The following RAB3C variants were observed in gnomAD, a reference collection of about 807,000 sequenced individuals.
RAB3C encodes the protein RAB3C, member RAS oncogene family.
A neutral mutation model predicts 26.4 loss-of-function variants in RAB3C; 17 were observed. The observed-to-expected ratio is 0.64, with a 90% CI of 0.44 to 0.97. The LOEUF is 0.97. Among genes scored for constraint, RAB3C ranks in the 50% least tolerant of loss-of-function variants. The pLI is 0.00. For missense variants in RAB3C, 242 were observed against 281.9 expected (o/e 0.86, Z 1.01); for synonymous variants, 91 against 95.9 (o/e 0.95, Z 0.30).
chr5:58,663,065 A>G (rs1747936313), intron 2 of RAB3C, among the ~76,000 whole-genome samples: 1 of 150,370 alleles, frequency 6.7e-6, no homozygotes, highest in African/African-American at 2.5e-5. Context: ...TATAAATAGT[A>G]CTTCTGCATT....
Position 58,640,864 on chromosome 5 carries a change from G to A in RAB3C, c.252+22994G>A, listed in dbSNP as rs1297545945. ...AATATTGTAATTATACTAACTTTCC[G>A]ATCATCTGACAACAGAGGCTTCCAA... is the stretch of plus-strand genomic sequence containing the variant. On this transcript the variant is annotated intron_variant, in intron 2 of 4. Transcript: ENST00000282878. Among the ~76,000 whole-genome samples, 9 of 152,236 alleles carry A rather than the reference G, an allele frequency of 5.9e-5. No individual in the cohort carries two copies. In the South Asian group the frequency reaches 6.2e-4, roughly 11 times the overall value.
At chr5:58,773,781 A>T (rs1242052073) in intron 3 of RAB3C, among the ~76,000 whole-genome samples, 1 of 152,080 alleles carries the variant, frequency 6.6e-6, no homozygotes, top group Non-Finnish European at 1.5e-5. Flanking sequence ...ATCACTCCCT[A>T]GTCCCCCTAC....
At chr5:58,682,174 C>A (rs1748358019) in intron 2 of RAB3C, among the ~76,000 whole-genome samples, 1 of 152,018 alleles carries the variant, frequency 6.6e-6, no homozygotes, top group East Asian at 1.9e-4. Context: ...GTCAAGTGAG[C>A]TAGACAGAAA....
chr5:58,845,085 A>T (rs571451029), intron 4 of RAB3C, among the ~76,000 whole-genome samples: 11 of 152,318 alleles, frequency 7.2e-5, no homozygotes, highest in Admixed American at 7.2e-4. Flanking sequence ...ATGCAGTCAC[A>T]TGTGGAATGG....
intron 4 of RAB3C, among the ~76,000 whole-genome samples, chr5:58,834,554 A>C (rs1743692187): frequency 6.6e-6 from 1 of 152,192 alleles, no homozygotes; most frequent in African/African-American, 2.4e-5. Flanking sequence ...TTTAACTCTC[A>C]ATTGAAGTAT....
intron 1 of RAB3C, 60 bp downstream of exon 1, chr5:58,583,292 C>T: frequency 1.2e-6 from 2 of 1,610,216 alleles, no homozygotes; most frequent in Non-Finnish European, 1.7e-6. Flanking sequence ...TTTCCCCTTG[C>T]TCCGCGCACA....
chr5:58,730,884 T>C (rs909157968), intron 3 of RAB3C, among the ~76,000 whole-genome samples: 1 of 152,154 alleles, frequency 6.6e-6, no homozygotes, highest in Non-Finnish European at 1.5e-5. Context: ...CAGTTCCACA[T>C]GGCCAGGGAG....
intron 3 of RAB3C, among the ~76,000 whole-genome samples, chr5:58,726,813 G>A (rs1007073802): frequency 6.6e-6 from 1 of 151,976 alleles, no homozygotes; most frequent in African/African-American, 2.4e-5. Flanking sequence ...ACGGTGGGGG[G>A]TTATTCCTAC....
rs190488915 is a variant in RAB3C at position 58,713,819 on chromosome 5, T to A, written c.253-12183T>A. On this transcript the variant is annotated intron_variant, in intron 2 of 4. Coordinates refer to ENST00000282878, the MANE Select transcript of RAB3C (RefSeq NM_138453.4). ...ACACAGGCATAAACCAGGACATTCT[T>A]GGGCAAACTAGGACGTATGGTTACC... 3.9e-5 allele frequency among the ~76,000 whole-genome samples: 6 copies of A among 152,306 alleles called. No homozygotes were observed. The East Asian group carries it at 1.2e-3, about 29-fold the overall frequency.
intron 2 of RAB3C, among the ~76,000 whole-genome samples, chr5:58,687,540 A>G (rs1234180718): frequency 2.6e-5 from 4 of 152,116 alleles, no homozygotes; most frequent in Non-Finnish European, 5.9e-5. Context: ...GGGGGAGTGG[A>G]CATTTTTTTG....
At chr5:58,823,975 G>A (rs2112057076) in intron 3 of RAB3C, among the ~76,000 whole-genome samples, 1 of 149,972 alleles carries the variant, frequency 6.7e-6, no homozygotes, top group African/African-American at 2.5e-5. Context: ...AACATGCGGT[G>A]TTTGGTTTTT....
At chr5:58,728,167 A>G (rs749185179) in intron 3 of RAB3C, among the ~76,000 whole-genome samples, 1 of 152,006 alleles carries the variant, frequency 6.6e-6, no homozygotes, top group African/African-American at 2.4e-5. Flanking sequence ...CACTTGATTT[A>G]TTAGGGTTTT....
At chr5:58,672,273 C>T (rs13178852) in intron 2 of RAB3C, among the ~76,000 whole-genome samples, 16,827 of 152,200 alleles carry the variant, frequency 0.11, 1,018 homozygotes, top group Middle Eastern at 0.21. Context: ...AGGTGATCCC[C>T]TGGGGTTAGA....
At chr5:58,696,091 C>T (rs1478704550) in intron 2 of RAB3C, among the ~76,000 whole-genome samples, 3 of 152,098 alleles carry the variant, frequency 2.0e-5, no homozygotes, top group African/African-American at 4.8e-5. Context: ...TTTTGAGATA[C>T]GTTCCATCAA....
intron 3 of RAB3C, among the ~76,000 whole-genome samples, chr5:58,783,714 C>T (rs1488925931): frequency 6.6e-6 from 1 of 152,178 alleles, no homozygotes; most frequent in African/African-American, 2.4e-5. Flanking sequence ...GGCACATGGC[C>T]AGTCGTGACC....
In RAB3C at chr5:58,593,756, A is replaced by G. The variant is rs982309462; in HGVS notation, c.24+10524A>G. ...GAAGTGTGCTGTCAGTTCTGTTGAGATAATGAAGTATTTTTGCATTCACTA... is the reference window on the plus strand; with the variant it reads ...GAAGTGTGCTGTCAGTTCTGTTGAGGTAATGAAGTATTTTTGCATTCACTA... On this transcript the variant is annotated intron_variant, in intron 1 of 4. Coordinates refer to ENST00000282878, the MANE Select transcript of RAB3C (RefSeq NM_138453.4). Among the ~76,000 whole-genome samples, 22 of 152,168 alleles carry G rather than the reference A, an allele frequency of 1.4e-4. 1 individual carries two copies. Among genetic ancestry groups the G allele is most frequent in the East Asian group, 1.3e-3 (7 of 5,194 alleles).
intron 3 of RAB3C, among the ~76,000 whole-genome samples, chr5:58,803,137 A>G (rs1188874467): frequency 6.6e-6 from 1 of 152,184 alleles, no homozygotes; most frequent in Non-Finnish European, 1.5e-5. Flanking sequence ...CCATGCCCCT[A>G]AGAAGAATAA....
rs111867821 is a variant in RAB3C, at chr5:58,649,198, C to T, written c.252+31328C>T. On this transcript the variant is annotated intron_variant, in intron 2 of 4. Transcript: ENST00000282878. ...GCTGGTCCACTGGGAGCTCCTGAAC[C>T]TCCCTACGGTCTGGTGACCAAATGC... 5.3e-4 allele frequency among the ~76,000 whole-genome samples: 80 copies of T among 152,276 alleles called. 1 individual carries two copies. Among genetic ancestry groups the T allele is most frequent in the African/African-American group, 1.9e-3 (79 of 41,554 alleles).
At chr5:58,660,292 G>T (rs1236936331) in intron 2 of RAB3C, among the ~76,000 whole-genome samples, 3 of 150,032 alleles carry the variant, frequency 2.0e-5, no homozygotes, top group African/African-American at 7.6e-5. Context: ...GTTATTTCTT[G>T]CCTGGGATTT....
Sources: gnomAD v4.1 joint callset for allele counts (sites outside exome capture counted in the v4.1 genomes callset) on GRCh38, gnomAD v4.1.1 for gene constraint, MANE v1.5 for transcripts, NCBI Gene and HGNC (gene_info 2026-07-23, HGNC 2026-07-21) for gene names.